The following STPG2 variants were observed in gnomAD, a reference collection of about 807,000 sequenced individuals.
The protein encoded by STPG2 is sperm-tail PG-rich repeat-containing protein 2.
STPG2 carries 56 observed loss-of-function variants against 54.2 expected under a neutral mutation model. The observed-to-expected ratio is 1.03, with a 90% CI of 0.83 to 1.29. The LOEUF (loss-of-function observed/expected upper bound fraction) is 1.29. Ranked by LOEUF, STPG2 falls within the 50% of genes most tolerant of loss-of-function variation. STPG2 has a pLI of 0.00. For missense variants in STPG2, 596 were observed against 544.9 expected (o/e 1.09, Z -0.93); for synonymous variants, 200 against 181.8 (o/e 1.10, Z -0.81).
intron 8 of STPG2, among the ~76,000 whole-genome samples, chr4:97,844,155 G>C (rs1391947843): frequency 6.6e-6 from 1 of 151,734 alleles, no homozygotes; most frequent in East Asian, 1.9e-4. Context: ...CTGCTATTTT[G>C]ACATATGAAA....
chr4:98,125,067 C>A (rs1370736272), intron 3 of STPG2, among the ~76,000 whole-genome samples: 1 of 152,164 alleles, frequency 6.6e-6, no homozygotes, highest in Non-Finnish European at 1.5e-5. Context: ...TTCTGGTTAG[C>A]AGCTCCTATA....
At chr4:97,834,938 T>A (rs1160763216) in intron 9 of STPG2, among the ~76,000 whole-genome samples, 2 of 151,988 alleles carry the variant, frequency 1.3e-5, no homozygotes, top group African/African-American at 4.8e-5. Context: ...TCTTCATCCC[T>A]CTCAAACCCT....
intron 8 of STPG2, among the ~76,000 whole-genome samples, chr4:97,909,934 A>T (rs899452974): frequency 3.7e-4 from 57 of 152,328 alleles, no homozygotes; most frequent in African/African-American, 1.1e-3. Context: ...CAATGCCACT[A>T]CACTAAAACA....
At chr4:97,923,148 T>G (rs1234906157) in intron 8 of STPG2, among the ~76,000 whole-genome samples, 1 of 152,242 alleles carries the variant, frequency 6.6e-6, no homozygotes, top group Admixed American at 6.5e-5. Flanking sequence ...GCGCCCACTC[T>G]GGCCATGCTT....
At chr4:97,514,690 A>C (rs891425051) in intron 4 of STPG2, among the ~76,000 whole-genome samples, 1 of 152,120 alleles carries the variant, frequency 6.6e-6, no homozygotes, top group Non-Finnish European at 1.5e-5. Flanking sequence ...TGTTTAAATA[A>C]AAGTTAAAAA....
At chr4:97,475,346 T>G (rs1268357810) in intron 4 of STPG2, among the ~76,000 whole-genome samples, 1 of 151,710 alleles carries the variant, frequency 6.6e-6, no homozygotes, top group African/African-American at 2.4e-5. Flanking sequence ...ATGAATTGCA[T>G]ATTTGTATAT....
At chr4:97,776,173 G>A (rs527388455) in intron 9 of STPG2, among the ~76,000 whole-genome samples, 1 of 152,242 alleles carries the variant, frequency 6.6e-6, no homozygotes, top group African/African-American at 2.4e-5. Context: ...CATTTTACAT[G>A]TATGTATATA....
chr4:97,614,452 C>A (rs2148917842), intron 10 of STPG2, among the ~76,000 whole-genome samples: 1 of 152,150 alleles, frequency 6.6e-6, no homozygotes, highest in African/African-American at 2.4e-5. Flanking sequence ...GTGAAGCTTT[C>A]CCAGTAATTT....
At chr4:97,445,620 A>G (rs1156658872) in intron 4 of STPG2, among the ~76,000 whole-genome samples, 7 of 152,226 alleles carry the variant, frequency 4.6e-5, no homozygotes, top group African/African-American at 1.7e-4. Context: ...AGCACATTGC[A>G]GTTTGCAATA....
At chr4:98,024,227 T>C (rs1478739015) in intron 5 of STPG2, among the ~76,000 whole-genome samples, 2 of 152,222 alleles carry the variant, frequency 1.3e-5, no homozygotes, top group African/African-American at 2.4e-5. Flanking sequence ...AGTATCTTTA[T>C]AGCACTGTGA....
chr4:98,091,897 A>G (rs2110127170), intron 5 of STPG2, among the ~76,000 whole-genome samples: 1 of 152,172 alleles, frequency 6.6e-6, no homozygotes, highest in Admixed American at 6.5e-5. Flanking sequence ...CACACCTAGT[A>G]TGTGATGGAG....
intron 3 of STPG2, among the ~76,000 whole-genome samples, chr4:98,126,632 C>T (rs1422565605): frequency 6.6e-6 from 1 of 152,168 alleles, no homozygotes; most frequent in Non-Finnish European, 1.5e-5. Flanking sequence ...AAGGTGAATT[C>T]ACTTGCCATT....
intron 5 of STPG2, among the ~76,000 whole-genome samples, chr4:98,009,528 G>T (rs993801741): frequency 2.0e-5 from 3 of 151,960 alleles, no homozygotes; most frequent in African/African-American, 7.2e-5. Flanking sequence ...TTATTCATGT[G>T]TGCTTGTGAC....
chr4:97,741,834 T>A (rs1463246841), intron 9 of STPG2, among the ~76,000 whole-genome samples: 1 of 152,080 alleles, frequency 6.6e-6, no homozygotes, highest in Admixed American at 6.5e-5. Context: ...GAACTAGAAA[T>A]ACCATTTGAC....
At chr4:97,864,815 A>T (rs901847125) in intron 8 of STPG2, among the ~76,000 whole-genome samples, 1 of 152,154 alleles carries the variant, frequency 6.6e-6, no homozygotes, top group Non-Finnish European at 1.5e-5. Context: ...GATCTTTGAC[A>T]AACCTGACAC....
At chr4:97,552,787 C>A (rs955599224) in intron 4 of STPG2, among the ~76,000 whole-genome samples, 3 of 152,030 alleles carry the variant, frequency 2.0e-5, no homozygotes, top group Admixed American at 6.6e-5. Context: ...AACTGTGGAG[C>A]AAATACAAGA....
At chr4:97,868,309 G>T (rs1729865625) in intron 8 of STPG2, among the ~76,000 whole-genome samples, 1 of 151,786 alleles carries the variant, frequency 6.6e-6, no homozygotes, top group Non-Finnish European at 1.5e-5. Flanking sequence ...TAATTTTGAT[G>T]GTGAGTTCAT....
chr4:97,911,495 G>A (rs1213254460), intron 8 of STPG2, among the ~76,000 whole-genome samples: 1 of 152,128 alleles, frequency 6.6e-6, no homozygotes, highest in Admixed American at 6.5e-5. Context: ...AGCCATCCTG[G>A]CCTGCAGCTC....
At chr4:97,889,070 C>T (rs1411742710) in intron 8 of STPG2, among the ~76,000 whole-genome samples, 1 of 152,080 alleles carries the variant, frequency 6.6e-6, no homozygotes, top group East Asian at 1.9e-4. Flanking sequence ...AACTGTGAGC[C>T]CATTAATACT....
Sources: gnomAD v4.1 joint callset for allele counts (sites outside exome capture counted in the v4.1 genomes callset) on GRCh38, gnomAD v4.1.1 for gene constraint, MANE v1.5 for transcripts, NCBI Gene and HGNC (gene_info 2026-07-23, HGNC 2026-07-21) for gene names.